The following TBC1D22A variants were observed in gnomAD, a reference collection of about 807,000 sequenced individuals.
TBC1D22A encodes the protein putative GTPase activator.
In TBC1D22A, 38 loss-of-function variants were observed where a neutral mutation model predicts 60.2. That is an observed-to-expected ratio of 0.63 (90% CI 0.49 to 0.83). The LOEUF (loss-of-function observed/expected upper bound fraction) is 0.83, where lower values mean the gene tolerates loss of function less well. Among genes scored for constraint, TBC1D22A ranks in the 40% least tolerant of loss-of-function variants. TBC1D22A has a pLI of 0.00. For synonymous variants in TBC1D22A, 302 were observed against 281.7 expected (o/e 1.07, Z -0.72); for missense variants, 628 against 701.0 (o/e 0.90, Z 1.18).
At position 46,912,056 on chromosome 22, in the gene TBC1D22A, T is replaced by A; in HGVS notation, c.901-18T>A. 1 of 1,588,718 alleles carries A rather than the reference T, an allele frequency of 6.3e-7. No homozygotes were observed. The highest frequency in any genetic ancestry group is 8.6e-7 in the Non-Finnish European group (1 of 1,160,468). ...CATGTTTACTTTTTGCTTTACCACC[T>A]GTTCCATTTTCTTTCAGATTTTTGA... On this transcript the variant is annotated intron_variant, in intron 7 of 12. Transcript: ENST00000337137.
chr22:47,155,761 T>C (rs1378392875), intron 12 of TBC1D22A, among the ~76,000 whole-genome samples: 1 of 151,398 alleles, frequency 6.6e-6, no homozygotes, highest in Non-Finnish European at 1.5e-5. Flanking sequence ...CCCACCCGAG[T>C]GCCCACCCTC....
chr22:47,126,291 TG>T (rs2066455232), intron 12 of TBC1D22A, among the ~76,000 whole-genome samples: 1 of 152,226 alleles, frequency 6.6e-6, no homozygotes, highest in South Asian at 2.1e-4. Context: ...CAGATGAAGA[TG>T]TTTTTTAAGA....
chr22:47,147,512 C>T (rs1300293602), intron 12 of TBC1D22A, among the ~76,000 whole-genome samples: 5 of 152,238 alleles, frequency 3.3e-5, no homozygotes, highest in Admixed American at 1.3e-4. Context: ...CTGCACCCAC[C>T]TCCTGGGACA....
At chr22:46,792,275 T>C (rs2084444841) in intron 1 of TBC1D22A, among the ~76,000 whole-genome samples, 1 of 152,140 alleles carries the variant, frequency 6.6e-6, no homozygotes, top group Non-Finnish European at 1.5e-5. Flanking sequence ...AGGTCCATTC[T>C]CAGGGATGGG....
chr22:46,776,470 G>T (rs1358709725), intron 1 of TBC1D22A, among the ~76,000 whole-genome samples: 1 of 152,096 alleles, frequency 6.6e-6, no homozygotes, highest in African/African-American at 2.4e-5. Context: ...GTGAGGGTCA[G>T]TGTTCAGGAT....
chr22:46,852,783 G>T (rs918742384), intron 4 of TBC1D22A, among the ~76,000 whole-genome samples: 1 of 152,294 alleles, frequency 6.6e-6, no homozygotes, highest in Middle Eastern at 3.4e-3. Flanking sequence ...AAAGTTGGCT[G>T]TTTCCTGGCT....
intron 4 of TBC1D22A, among the ~76,000 whole-genome samples, chr22:46,851,044 T>C (rs932574442): frequency 6.6e-6 from 1 of 152,186 alleles, no homozygotes; most frequent in Non-Finnish European, 1.5e-5. Context: ...ACGTGGTTCC[T>C]GTATGGGGTG....
At chr22:47,082,349 T>G (rs776134958) in intron 11 of TBC1D22A, among the ~76,000 whole-genome samples, 6 of 152,178 alleles carry the variant, frequency 3.9e-5, no homozygotes, top group Non-Finnish European at 7.3e-5. Context: ...AACTTCTTGA[T>G]TTTAGGACTT....
chr22:46,844,949 T>C (rs761029561), intron 4 of TBC1D22A, among the ~76,000 whole-genome samples: 1 of 152,212 alleles, frequency 6.6e-6, no homozygotes, highest in Non-Finnish European at 1.5e-5. Flanking sequence ...ATTTGGTTTC[T>C]AGGACTTCTC....
At chr22:46,893,597 C>G (rs989654875) in intron 6 of TBC1D22A, among the ~76,000 whole-genome samples, 1 of 152,196 alleles carries the variant, frequency 6.6e-6, no homozygotes, top group African/African-American at 2.4e-5. Flanking sequence ...ATGCTGGGGA[C>G]AGATGTGTGT....
chr22:47,043,240 G>C (rs972232428), intron 11 of TBC1D22A, among the ~76,000 whole-genome samples: 2 of 152,248 alleles, frequency 1.3e-5, no homozygotes, highest in Non-Finnish European at 2.9e-5. Context: ...ATTGAGATCT[G>C]TGCTGCATGA....
At chr22:47,057,251 T>TC (rs2063425050) in intron 11 of TBC1D22A, among the ~76,000 whole-genome samples, 1 of 152,208 alleles carries the variant, frequency 6.6e-6, no homozygotes, top group Non-Finnish European at 1.5e-5. Flanking sequence ...GCTGGGGTTC[T>TC]CTCCTTGTTC....
intron 11 of TBC1D22A, among the ~76,000 whole-genome samples, chr22:47,108,660 T>C (rs5766676): frequency 0.41 from 61,634 of 152,058 alleles, 12,885 homozygotes; most frequent in South Asian, 0.54. Flanking sequence ...TCAAAACTTA[T>C]CAAATTATAA....
intron 4 of TBC1D22A, among the ~76,000 whole-genome samples, chr22:46,805,801 C>A (rs1473227708): frequency 6.6e-6 from 1 of 151,810 alleles, no homozygotes; most frequent in Non-Finnish European, 1.5e-5. Context: ...CCACACCCCC[C>A]ACCCGATTTC....
At chr22:47,046,419 C>G (rs1450117381) in intron 11 of TBC1D22A, among the ~76,000 whole-genome samples, 1 of 152,184 alleles carries the variant, frequency 6.6e-6, no homozygotes, top group East Asian at 1.9e-4. Context: ...GTCCCTGAAC[C>G]TCCCTTAGCG....
intron 1 of TBC1D22A, chr22:46,774,226 C>T (rs1378452958): frequency 1.0e-6 from 1 of 985,512 alleles, no homozygotes; most frequent in Non-Finnish European, 1.2e-6. Context: ...AGAGATTCTT[C>T]TGGAGTGAGG....
intron 8 of TBC1D22A, among the ~76,000 whole-genome samples, chr22:46,940,472 ATGTATG>A (rs2071924927): frequency 7.6e-6 from 1 of 131,712 alleles, no homozygotes; most frequent in African/African-American, 2.9e-5. Context: ...ATATATATGT[ATGTATG>A]TATATATATA....
intron 1 of TBC1D22A, among the ~76,000 whole-genome samples, chr22:46,767,738 G>T (rs2083334785): frequency 6.6e-6 from 1 of 152,112 alleles, no homozygotes; most frequent in African/African-American, 2.4e-5. Flanking sequence ...CGAGGTGAGG[G>T]AACAGGCCAA....
chr22:46,863,972 C>T (rs2066932252), intron 4 of TBC1D22A, among the ~76,000 whole-genome samples: 1 of 152,202 alleles, frequency 6.6e-6, no homozygotes, highest in South Asian at 2.1e-4. Flanking sequence ...CGAGTTGTCC[C>T]TGGGCCCACT....
Sources: gnomAD v4.1 joint callset for allele counts (sites outside exome capture counted in the v4.1 genomes callset) on GRCh38, gnomAD v4.1.1 for gene constraint, MANE v1.5 for transcripts, NCBI Gene and HGNC (gene_info 2026-07-23, HGNC 2026-07-21) for gene names.